APBB1IP: variants seen among roughly 807,000 people sequenced by gnomAD.
The protein encoded by APBB1IP is amyloid beta A4 precursor protein-binding family B member 1-interacting protein.
A neutral mutation model predicts 64.9 loss-of-function variants in APBB1IP; 27 were observed. The observed-to-expected ratio is 0.42, with a 90% confidence interval of 0.31 to 0.57. The LOEUF (loss-of-function observed/expected upper bound fraction) is 0.57. APBB1IP is among the 20% of genes least tolerant of loss of function. The pLI, the probability that APBB1IP is intolerant of heterozygous loss-of-function variation, is 0.20. For missense variants in APBB1IP, 812 were observed against 845.5 expected, an observed-to-expected ratio of 0.96 and a Z score of 0.49; for synonymous variants, 392 against 331.0, an observed-to-expected ratio of 1.18 and a Z score of -2.00.
At chr10:26,485,442 T>C (rs1177130467) in intron 2 of APBB1IP, among the ~76,000 whole-genome samples, 1 of 152,232 alleles carries the variant, frequency 6.6e-6, no homozygotes, top group Non-Finnish European at 1.5e-5. Flanking sequence ...GGAAGCTACT[T>C]AATCTCTCTG....
intron 11 of APBB1IP, among the ~76,000 whole-genome samples, chr10:26,553,582 C>T (rs1479913294): frequency 1.3e-5 from 2 of 152,126 alleles, no homozygotes; most frequent in East Asian, 3.9e-4. Flanking sequence ...CACTTGAGCC[C>T]AGGCGTTGGA....
At position 26,567,223 on chromosome 10, in the gene APBB1IP, C is replaced by T; in HGVS notation, c.1736C>T (p.Pro579Leu). The part of the protein sequence containing the change: ...PPPPPDFMEP[P>L]PDFVPPPPPS... ...CCGCCCCCGGACTTCATGGAGCCGC[C>T]CCCAGACTTCGTGCCCCCGCCCCCG... Residue 579 changes from proline (P) to leucine (L), a missense_variant, in exon 15 of 15, where the codon CCC becomes CTC. Pro to Leu is a moderately conservative substitution (Grantham distance 98). This residue lies in a region of APBB1IP where 381 missense variants were observed against 352.1 expected (regional missense o/e 1.08). Transcript: ENST00000376236. 1 of 1,369,714 alleles carries T rather than the reference C, an allele frequency of 7.3e-7. No individual in the cohort carries two copies. The highest frequency in any genetic ancestry group is 1.5e-5 in the South Asian group (1 of 65,310). The allele number at this position is 1,369,714 out of a possible 1,614,324, so 84.8% of individuals were successfully genotyped here.
At chr10:26,471,168 G>T (rs1183753449) in intron 2 of APBB1IP, among the ~76,000 whole-genome samples, 1 of 152,150 alleles carries the variant, frequency 6.6e-6, no homozygotes, top group Non-Finnish European at 1.5e-5. Flanking sequence ...GCTGGGTTTT[G>T]AACTCTGTCC....
At position 26,560,742 on chromosome 10, in the gene APBB1IP, C is replaced by A. The variant is rs773115126; in HGVS notation, c.1267C>A (p.Leu423Ile). The A allele has an allele frequency of 1.3e-6, 2 of 1,596,060 alleles. No individual in the cohort carries two copies. The highest frequency in any genetic ancestry group is 1.1e-5 in the South Asian group (1 of 89,790). Residue 423 changes from leucine (L) to isoleucine (I), a missense_variant, in exon 13 of 15, where the codon CTC becomes ATC. Leu to Ile is a conservative substitution (Grantham distance 5). Transcript: ENST00000376236. The stretch of plus-strand genomic sequence containing the variant: ...GTTCTCTCCCCAGTATGGGAAGACT[C>A]TCTATGATAACTACCAGCGGGCTGT... ...GIRIAKYGKTLYDNYQRAVAK... is the reference protein window; with the variant it reads ...GIRIAKYGKTIYDNYQRAVAK...
At chr10:26,506,250 T>TGTGGGGG (rs1311793998) in intron 6 of APBB1IP, among the ~76,000 whole-genome samples, 1 of 62,392 alleles carries the variant, frequency 1.6e-5, no homozygotes, top group African/African-American at 6.9e-5. Context: ...CGTGTGTGTG[T>TGTGGGGG]GGGGGGGGGG....
Position 26,501,080 on chromosome 10 carries a change from T to A in APBB1IP, c.422T>A (p.Leu141Gln). 1 of 1,614,218 alleles carries A rather than the reference T, an allele frequency of 6.2e-7. No individual in the cohort carries two copies. The highest frequency in any genetic ancestry group is 8.5e-7 in the Non-Finnish European group (1 of 1,180,036). ...PPADPVLDLPLPPPPPEPLSQ... is the reference protein window; with the variant it reads ...PPADPVLDLPQPPPPPEPLSQ... ...GCCGATCCTGTGTTAGACCTTCCAC[T>A]GCCACCACCACCTCCTGAACCTCTC... is the stretch of plus-strand genomic sequence containing the variant. Residue 141 changes from leucine (L) to glutamine (Q), a missense_variant, in exon 5 of 15, where the codon CTG becomes CAG. Physicochemically the swap from Leu to Gln is moderately radical, Grantham distance 113. Around this residue, in one of 3 missense-constraint regions of APBB1IP, gnomAD observed 394 missense variants for 413.1 expected, o/e 0.95. Coordinates refer to ENST00000376236, the MANE Select transcript of APBB1IP (RefSeq NM_019043.4).
At chr10:26,550,026 GT>G (rs943478234) in intron 11 of APBB1IP, among the ~76,000 whole-genome samples, 86 of 145,626 alleles carry the variant, frequency 5.9e-4, no homozygotes, top group Admixed American at 1.4e-3. Flanking sequence ...AGTATTCTTG[GT>G]TTTTTTTTTA....
intron 9 of APBB1IP, 146 bp from the exon 10 acceptor site, chr10:26,535,928 A>G (rs1836616817): frequency 5.3e-6 from 4 of 761,400 alleles, no homozygotes; most frequent in Non-Finnish European, 2.0e-6. Flanking sequence ...GGCAAATAGC[A>G]TATAATATAA....
intron 2 of APBB1IP, among the ~76,000 whole-genome samples, chr10:26,477,499 G>T (rs1317884157): frequency 6.6e-6 from 1 of 152,040 alleles, no homozygotes; most frequent in African/African-American, 2.4e-5. Context: ...TTCACCTAGT[G>T]GTTTATTCAT....
At chr10:26,448,207 C>CT (rs1835423067) in intron 2 of APBB1IP, among the ~76,000 whole-genome samples, 1 of 125,372 alleles carries the variant, frequency 8.0e-6, no homozygotes, top group African/African-American at 3.1e-5. Flanking sequence ...AAGATTATTT[C>CT]ATTTTTTTAA....
chr10:26,453,194 C>A (rs1459574141), intron 2 of APBB1IP, among the ~76,000 whole-genome samples: 1 of 152,130 alleles, frequency 6.6e-6, no homozygotes, highest in Non-Finnish European at 1.5e-5. Flanking sequence ...CAGAATGGAG[C>A]TGTAGGTCTT....
intron 8 of APBB1IP, among the ~76,000 whole-genome samples, chr10:26,518,527 C>T (rs997186521): frequency 1.3e-5 from 2 of 152,194 alleles, no homozygotes; most frequent in African/African-American, 4.8e-5. Flanking sequence ...GACTTAGCCT[C>T]CCATTAACAT....
chr10:26,557,370 T>C (rs941284637), intron 11 of APBB1IP, among the ~76,000 whole-genome samples: 1 of 152,176 alleles, frequency 6.6e-6, no homozygotes, highest in Non-Finnish European at 1.5e-5. Context: ...CCCAAGCAAA[T>C]AGGAATTGAC....
At chr10:26,524,652 T>A (rs1194603225) in intron 8 of APBB1IP, among the ~76,000 whole-genome samples, 1 of 152,172 alleles carries the variant, frequency 6.6e-6, no homozygotes, top group African/African-American at 2.4e-5. Flanking sequence ...GACTTACATG[T>A]CATAGGTGGA....
chr10:26,472,592 C>CATT (rs1439468189), intron 2 of APBB1IP, among the ~76,000 whole-genome samples: 1 of 152,018 alleles, frequency 6.6e-6, no homozygotes, highest in Non-Finnish European at 1.5e-5. Context: ...TTCATTCATT[C>CATT]ATTCATTCAC....
intron 6 of APBB1IP, among the ~76,000 whole-genome samples, chr10:26,507,567 A>C (rs1456674799): frequency 6.6e-6 from 1 of 152,208 alleles, no homozygotes; most frequent in Non-Finnish European, 1.5e-5. Context: ...GTATGAGAGC[A>C]GGATTGTAGC....
chr10:26,465,333 T>G (rs914609399), intron 2 of APBB1IP, among the ~76,000 whole-genome samples: 3 of 152,198 alleles, frequency 2.0e-5, no homozygotes, highest in Non-Finnish European at 4.4e-5. Context: ...AGTTTGCTGT[T>G]TGTGACACTC....
At chr10:26,535,599 A>G (rs950955782) in intron 9 of APBB1IP, among the ~76,000 whole-genome samples, 9 of 152,114 alleles carry the variant, frequency 5.9e-5, no homozygotes, top group African/African-American at 2.2e-4. Context: ...CCCCAATTTT[A>G]TGTGTAGAAT....
At chr10:26,460,050 A>G (rs1835571827) in intron 2 of APBB1IP, among the ~76,000 whole-genome samples, 2 of 152,206 alleles carry the variant, frequency 1.3e-5, no homozygotes, top group Non-Finnish European at 2.9e-5. Context: ...TTTAATGATG[A>G]CTCAGTTCTG....
Sources: gnomAD v4.1 joint callset for allele counts (sites outside exome capture counted in the v4.1 genomes callset) on GRCh38, gnomAD v4.1.1 for gene constraint, gnomAD v4.1.1 regional missense constraint, MANE v1.5 for transcripts, NCBI Gene and HGNC (gene_info 2026-07-23, HGNC 2026-07-21) for gene names.